The following RAP1A variants were observed in gnomAD, a reference collection of about 807,000 sequenced individuals.
RAP1A encodes RAP1A, member of RAS oncogene family.
In RAP1A, 6 loss-of-function variants were observed where a neutral mutation model predicts 26.4. The observed-to-expected ratio is 0.23, with a 90% CI of 0.12 to 0.45. The LOEUF is 0.45. RAP1A is among the 20% of genes least tolerant of loss of function. The pLI is 0.99. For missense variants in RAP1A, 121 were observed against 217.2 expected, an observed-to-expected ratio of 0.56 and a Z score of 2.78; for synonymous variants, 73 against 79.4, an observed-to-expected ratio of 0.92 and a Z score of 0.43.
intron 7 of RAP1A, 26 bp downstream of exon 7, chr1:111,709,290 G>T: frequency 6.4e-7 from 1 of 1,552,384 alleles, no homozygotes; most frequent in Non-Finnish European, 8.7e-7. Flanking sequence ...CAGAACAAGT[G>T]CCTTTCTCAT....
chr1:111,551,853 G>A (rs971299028), intron 1 of RAP1A, among the ~76,000 whole-genome samples: 1 of 152,000 alleles, frequency 6.6e-6, no homozygotes, highest in African/African-American at 2.4e-5. Flanking sequence ...TTACAGTTCG[G>A]CCTTGGCCTT....
chr1:111,643,695 T>A (rs191232623), intron 1 of RAP1A, among the ~76,000 whole-genome samples: 1 of 152,300 alleles, frequency 6.6e-6, no homozygotes, highest in East Asian at 1.9e-4. Flanking sequence ...TTCAGAGTCA[T>A]AGCAGCAAGC....
At chr1:111,644,177 C>T (rs1235970736) in intron 1 of RAP1A, among the ~76,000 whole-genome samples, 1 of 151,612 alleles carries the variant, frequency 6.6e-6, no homozygotes, top group Non-Finnish European at 1.5e-5. Context: ...CTAACCGTTA[C>T]ATGGTTCAAT....
chr1:111,613,345 G>T (rs925176501), intron 1 of RAP1A, among the ~76,000 whole-genome samples: 1 of 151,906 alleles, frequency 6.6e-6, no homozygotes, highest in Admixed American at 6.6e-5. Context: ...GACTACAGGC[G>T]CCCGCCACCA....
chr1:111,577,555 A>G (rs1319570779), intron 1 of RAP1A, among the ~76,000 whole-genome samples: 1 of 152,042 alleles, frequency 6.6e-6, no homozygotes, highest in African/African-American at 2.4e-5. Context: ...ATTTCTCCAT[A>G]AACAGATTTT....
rs1257519537 is a variant in RAP1A, at chr1:111,714,201, T to C, written c.*1800T>C. On this transcript the variant is annotated 3_prime_UTR_variant, in exon 8 of 8. Transcript: ENST00000369709. Reference sequence around the variant, plus strand: ...TAGTTACCTTACACTTCCCTTCTACTTATCCAATTATGCATATGTCTGGGA... The same window carrying C: ...TAGTTACCTTACACTTCCCTTCTACCTATCCAATTATGCATATGTCTGGGA... The C allele has an allele frequency of 2.0e-5, 3 of 152,352 alleles. No individual in the cohort carries two copies. The South Asian group carries it at 6.2e-4, about 32-fold the overall frequency. The allele number at this position is 152,352 out of a possible 1,614,324, so 9.4% of individuals were successfully genotyped here. A position where few individuals can be genotyped will look rare whatever the true frequency, so the allele number is the denominator to read the frequency against.
At chr1:111,655,306 C>T (rs537703570) in intron 1 of RAP1A, among the ~76,000 whole-genome samples, 3 of 145,274 alleles carry the variant, frequency 2.1e-5, no homozygotes, top group African/African-American at 5.1e-5. Context: ...GCGTGATAAA[C>T]AGCTAAAAGC....
rs1403721127 is a variant in RAP1A at position 111,713,267 on chromosome 1, A to G, written c.*866A>G. On this transcript the variant is annotated 3_prime_UTR_variant, in exon 8 of 8. Transcript: ENST00000369709. ...TAAGTAACTGGTGATTTCTCTAGGAACAGACCTCGCACTTTCTGTTCTAAA... is the reference window on the plus strand; with the variant it reads ...TAAGTAACTGGTGATTTCTCTAGGAGCAGACCTCGCACTTTCTGTTCTAAA... 3.9e-5 allele frequency: 6 copies of G among 152,228 alleles called. No individual in the cohort carries two copies. The highest frequency in any genetic ancestry group is 4.1e-4 in the South Asian group (2 of 4,828). 9.4% of individuals were successfully genotyped at this position (152,228 alleles called of 1,614,324 possible). A position where few individuals can be genotyped will look rare whatever the true frequency, so the allele number is the denominator to read the frequency against.
intron 1 of RAP1A, among the ~76,000 whole-genome samples, chr1:111,571,927 T>C (rs1295896621): frequency 6.6e-6 from 1 of 152,264 alleles, no homozygotes; most frequent in Admixed American, 6.5e-5. Flanking sequence ...TATGAGGCTC[T>C]CTGATTACTC....
intron 6 of RAP1A, among the ~76,000 whole-genome samples, chr1:111,707,754 G>A (rs1199174140): frequency 6.6e-6 from 1 of 152,094 alleles, no homozygotes; most frequent in Non-Finnish European, 1.5e-5. Flanking sequence ...AAGCTTATCT[G>A]TTTCATGTTT....
At chr1:111,565,987 C>A (rs1252701880) in intron 1 of RAP1A, among the ~76,000 whole-genome samples, 4 of 152,024 alleles carry the variant, frequency 2.6e-5, no homozygotes, top group African/African-American at 7.2e-5. Context: ...GAGCATGGCA[C>A]CTTCGAGGAG....
intron 1 of RAP1A, among the ~76,000 whole-genome samples, chr1:111,567,398 G>A (rs778047431): frequency 1.3e-5 from 2 of 152,136 alleles, no homozygotes; most frequent in African/African-American, 2.4e-5. Context: ...AAGTAGAAAG[G>A]CCTTAAATGG....
At chr1:111,564,667 C>A (rs1169761294) in intron 1 of RAP1A, among the ~76,000 whole-genome samples, 1 of 151,966 alleles carries the variant, frequency 6.6e-6, no homozygotes, top group African/African-American at 2.4e-5. Flanking sequence ...CGCCCACCAC[C>A]ACACCCGGCT....
chr1:111,560,530 T>C (rs72628768), intron 1 of RAP1A, among the ~76,000 whole-genome samples: 25,956 of 146,798 alleles, frequency 0.18, 4,155 homozygotes, highest in East Asian at 0.57. Context: ...CTTCTGTCAC[T>C]GAGGCTGGAG....
At chr1:111,697,575 G>A in intron 4 of RAP1A, 78 bp downstream of exon 4, 2 of 1,581,386 alleles carry the variant, frequency 1.3e-6, no homozygotes, top group Non-Finnish European at 1.7e-6. Context: ...TTGTCATCCA[G>A]ATAATTCTGA....
chr1:111,563,505 T>C lies in RAP1A; in HGVS notation c.-28+20996T>C, dbSNP rs1173339247. Among the ~76,000 whole-genome samples the C allele has an allele frequency of 4.6e-5, 7 of 152,160 alleles. 1 individual carries two copies. The highest frequency in any genetic ancestry group is 1.5e-5 in the Non-Finnish European group (1 of 68,028). On this transcript the variant is annotated intron_variant, in intron 1 of 7. Coordinates refer to the RAP1A transcript ENST00000356415. ...GGGAGAAACGAGCCTGAGTTTTATATAACAAAATAAAAGTTTACAAGAGCC... is the reference window on the plus strand; with the variant it reads ...GGGAGAAACGAGCCTGAGTTTTATACAACAAAATAAAAGTTTACAAGAGCC...
At chr1:111,633,262 C>G (rs891122866) in intron 1 of RAP1A, among the ~76,000 whole-genome samples, 5 of 152,196 alleles carry the variant, frequency 3.3e-5, no homozygotes, top group Admixed American at 2.6e-4. Flanking sequence ...CCTATTGTTG[C>G]ATCCTGCTGT....
At chr1:111,688,511 G>A (rs890200485) in intron 1 of RAP1A, among the ~76,000 whole-genome samples, 1 of 151,296 alleles carries the variant, frequency 6.6e-6, no homozygotes, top group Non-Finnish European at 1.5e-5. Context: ...GTAGAGACGG[G>A]GTTTCGCCGT....
intron 4 of RAP1A, among the ~76,000 whole-genome samples, chr1:111,700,101 A>G (rs939351581): frequency 1.3e-5 from 2 of 152,152 alleles, no homozygotes; most frequent in Non-Finnish European, 2.9e-5. Context: ...GGAGGACCTC[A>G]GGGTTCAATA....
Sources: gnomAD v4.1 joint callset for allele counts (sites outside exome capture counted in the v4.1 genomes callset) on GRCh38, gnomAD v4.1.1 for gene constraint, MANE v1.5 for transcripts, NCBI Gene and HGNC (gene_info 2026-07-23, HGNC 2026-07-21) for gene names.